Variants in MTBP observed in about 807,000 individuals in gnomAD.
MTBP encodes mdm2-binding protein.
MTBP carries 101 observed loss-of-function variants against 117.0 expected under a neutral mutation model. The observed-to-expected ratio is 0.86, with a 90% CI of 0.73 to 1.02. MTBP has a LOEUF of 1.02. Among genes scored for constraint, MTBP ranks in the 50% least tolerant of loss-of-function variants. The pLI is 0.00. For synonymous variants in MTBP, 350 were observed against 351.5 expected (o/e 1.00, Z 0.05); for missense variants, 970 against 1,030.9 (o/e 0.94, Z 0.81).
chr8:120,479,152 G>A (rs891157079), intron 11 of MTBP, among the ~76,000 whole-genome samples: 2 of 152,188 alleles, frequency 1.3e-5, no homozygotes, highest in Non-Finnish European at 2.9e-5. Flanking sequence ...GGACTCCAAA[G>A]GAGAGAAGTT....
intron 18 of MTBP, among the ~76,000 whole-genome samples, chr8:120,516,971 T>G (rs1814931315): frequency 6.6e-6 from 1 of 152,006 alleles, no homozygotes; most frequent in African/African-American, 2.4e-5. Context: ...CATGGTACTT[T>G]TTATACCTGA....
chr8:120,452,932 G>A (rs1813389668), intron 4 of MTBP: 1 of 151,474 alleles, frequency 6.6e-6, no homozygotes, highest in African/African-American at 2.4e-5. Flanking sequence ...GTTTACATAA[G>A]ATGCCTTAAG....
In MTBP at chr8:120,515,960, A is replaced by G; in HGVS notation, c.2015A>G (p.Asp672Gly). The G allele has an allele frequency of 6.2e-7, 1 of 1,612,684 alleles. No homozygotes were observed. The highest frequency in any genetic ancestry group is 8.5e-7 in the Non-Finnish European group (1 of 1,179,086). ...GATGACCGAAAAGCTTTGGAAAGAG[A>G]TGGAGGATTTTCTGAACTTCAGTCT... ...CLDDRKALER[D>G]GGFSELQSRL... Residue 672 changes from aspartate (D) to glycine (G), a missense_variant, in exon 18 of 22, where the codon GAT becomes GGT. Transcript: ENST00000305949.
At chr8:120,501,068 G>T (rs1484195517) in intron 14 of MTBP, among the ~76,000 whole-genome samples, 1 of 151,798 alleles carries the variant, frequency 6.6e-6, no homozygotes, top group Admixed American at 6.6e-5. Flanking sequence ...GTGCGTGCCT[G>T]TAGTCCCAGC....
rs201752433 is a variant in MTBP at position 120,506,825 on chromosome 8, C to G, written c.1847C>G (p.Pro616Arg). 3 of 1,612,744 alleles carry G rather than the reference C, an allele frequency of 1.9e-6. No homozygotes were observed. In the East Asian group the frequency reaches 6.7e-5, roughly 36 times the overall value. Residue 616 changes from proline to arginine, a missense_variant, in exon 16 of 22, where the codon CCC (proline) becomes CGC (arginine). By Grantham distance (103) the Pro-to-Arg change is moderately radical. Coordinates refer to ENST00000305949, the MANE Select transcript of MTBP (RefSeq NM_022045.5). The stretch of plus-strand genomic sequence containing the variant: ...AAGTACTTTACCTCAGATGGATTAC[C>G]CATTGGAGATCTTCAACCTTTACCG... ...LLKYFTSDGL[P>R]IGDLQPLPIQ...
intron 10 of MTBP, among the ~76,000 whole-genome samples, chr8:120,468,986 A>T (rs1345029437): frequency 1.3e-5 from 2 of 152,130 alleles, no homozygotes; most frequent in Non-Finnish European, 2.9e-5. Context: ...ACAATTTTTT[A>T]AATTTTTGCT....
chr8:120,516,064 TCTC>T lies in MTBP; in HGVS notation c.2122_2124del (p.Pro708del), dbSNP rs1306109880. ...ACCTACTGTGTTGAGCCCTCTTCCA[TCTC>T]CTGTAGTTTCGTCAGATCCTGGAAG... On this transcript the variant is annotated inframe_deletion, in exon 18 of 22. Transcript: ENST00000305949. 6.2e-7 allele frequency: 1 copy of T among 1,612,916 alleles called. No individual in the cohort carries two copies. The highest frequency in any genetic ancestry group is 8.5e-7 in the Non-Finnish European group (1 of 1,179,234).
At chr8:120,447,450 T>C (rs1813251416) in intron 2 of MTBP, among the ~76,000 whole-genome samples, 1 of 152,202 alleles carries the variant, frequency 6.6e-6, no homozygotes, top group Admixed American at 6.5e-5. Context: ...GATTTGTACC[T>C]CAAATGTATA....
At chr8:120,499,494 A>G (rs1814536038) in intron 14 of MTBP, among the ~76,000 whole-genome samples, 1 of 152,192 alleles carries the variant, frequency 6.6e-6, no homozygotes, top group Admixed American at 6.5e-5. Context: ...TAGACAGGCT[A>G]TGCATTTGAA....
chr8:120,454,394 G>A (rs1217404068), intron 5 of MTBP, among the ~76,000 whole-genome samples: 1 of 151,968 alleles, frequency 6.6e-6, no homozygotes, highest in African/African-American at 2.4e-5. Context: ...TTTCCCCATA[G>A]TGGAAAGAAT....
Position 120,445,453 on chromosome 8 carries a change from G to A in MTBP, c.-18G>A, listed in dbSNP as rs1005971403. ...TGTGGAAGCCGAGACCTAAAGTTGG[G>A]GGGTGATCTCTGAGGAGATGGATCG... On this transcript the variant is annotated 5_prime_UTR_variant, in exon 1 of 22. Coordinates refer to ENST00000305949, the MANE Select transcript of MTBP (RefSeq NM_022045.5). The A allele has an allele frequency of 3.7e-6, 6 of 1,603,890 alleles. No homozygotes were observed. The African/African-American group carries it at 8.0e-5, about 21-fold the overall frequency.
At chr8:120,492,705 A>G (rs1003973042) in intron 13 of MTBP, among the ~76,000 whole-genome samples, 2 of 152,192 alleles carry the variant, frequency 1.3e-5, no homozygotes, top group African/African-American at 2.4e-5. Context: ...GTACTCACTA[A>G]TAACACTATT....
intron 10 of MTBP, among the ~76,000 whole-genome samples, chr8:120,469,375 C>A (rs919357176): frequency 5.9e-5 from 9 of 152,120 alleles, no homozygotes; most frequent in Admixed American, 5.9e-4. Context: ...GCTTCAAATG[C>A]CAAATGACCA....
chr8:120,454,703 A>G (rs2130515890), intron 5 of MTBP, among the ~76,000 whole-genome samples: 1 of 152,186 alleles, frequency 6.6e-6, no homozygotes, highest in South Asian at 2.1e-4. Flanking sequence ...CCCACATAGA[A>G]AAATAACTGA....
chr8:120,465,755 GT>G (rs1473008831), intron 10 of MTBP, among the ~76,000 whole-genome samples: 2 of 149,910 alleles, frequency 1.3e-5, no homozygotes, highest in African/African-American at 4.9e-5. Context: ...TGCCTCCCGG[GT>G]TCAAGTGATT....
chr8:120,449,344 A>G (rs1813289996), intron 2 of MTBP, among the ~76,000 whole-genome samples: 1 of 152,162 alleles, frequency 6.6e-6, no homozygotes, highest in Admixed American at 6.6e-5. Context: ...TTCAGTTTGG[A>G]ACCTGTTAAT....
At chr8:120,507,553 C>T (rs1814710898) in intron 16 of MTBP, among the ~76,000 whole-genome samples, 1 of 151,978 alleles carries the variant, frequency 6.6e-6, no homozygotes, top group South Asian at 2.1e-4. Flanking sequence ...TTCCAAAAGA[C>T]CTTAAAAATT....
chr8:120,458,847 C>CA (rs5894523), intron 7 of MTBP, among the ~76,000 whole-genome samples: 3,417 of 111,924 alleles, frequency 0.031, 138 homozygotes, highest in African/African-American at 0.12. Context: ...ATCTCAAAGC[C>CA]AAAAAAAAAA....
intron 15 of MTBP, among the ~76,000 whole-genome samples, chr8:120,503,577 T>C (rs773445444): frequency 9.2e-5 from 14 of 152,088 alleles, no homozygotes; most frequent in Non-Finnish European, 1.6e-4. Flanking sequence ...CAGGACCAAA[T>C]AGGTCCTCAT....
Sources: allele counts gnomAD v4.1 joint callset (sites outside exome capture counted in the v4.1 genomes callset), GRCh38; gene constraint gnomAD v4.1.1; transcripts MANE v1.5; gene names NCBI Gene and HGNC (gene_info 2026-07-23, HGNC 2026-07-21).